Variants in PWP1 observed in about 807,000 individuals in gnomAD.
The protein encoded by PWP1 is PWP1 homolog, endonuclein, also known as periodic tryptophan protein 1 homolog.
Under a neutral mutation model 69.9 loss-of-function variants are expected in PWP1, and 47 were observed. The ratio of observed to expected loss-of-function variants is 0.67; its 90% confidence interval spans 0.53 to 0.86. The LOEUF (loss-of-function observed/expected upper bound fraction) is 0.86, where lower values mean the gene tolerates loss of function less well. Among genes scored for constraint, PWP1 ranks in the 40% least tolerant of loss-of-function variants. PWP1 has a pLI of 0.00. For missense variants in PWP1, 551 were observed against 608.8 expected (o/e 0.91, Z 1.00); for synonymous variants, 222 against 208.2 (o/e 1.07, Z -0.57).
chr12:107,709,002 A>G lies in PWP1; in HGVS notation c.1154A>G (p.Asn385Ser). 1 of 1,613,874 alleles carries G rather than the reference A, an allele frequency of 6.2e-7. No individual in the cohort carries two copies. Among genetic ancestry groups the G allele is most frequent in the Non-Finnish European group, 8.5e-7 (1 of 1,179,862 alleles). ...DKPIFTLNAH[N>S]DEISGLDLSS... ...CCAATTTTTACACTTAATGCACACA[A>G]TGATGAAATCTCTGGTGAGCAAGAG... The change falls in exon 12 of 15, where the codon AAT becomes AGT. Residue 385 changes from asparagine (N) to serine (S), a missense_variant. Physicochemically the swap from Asn to Ser is conservative, Grantham distance 46. Coordinates refer to ENST00000412830, the MANE Select transcript of PWP1 (RefSeq NM_007062.3).
chr12:107,693,922 TAATAATTCAACACA>T (rs1889533075), intron 5 of PWP1, among the ~76,000 whole-genome samples: 1 of 152,220 alleles, frequency 6.6e-6, no homozygotes, highest in South Asian at 2.1e-4. Context: ...ATTTTCTTCC[TAATAATTCAACACA>T]AAGGGCCACG....
chr12:107,697,361 C>A, intron 6 of PWP1, 106 bp from the exon 7 acceptor site: 2 of 1,140,022 alleles, frequency 1.8e-6, no homozygotes, highest in Non-Finnish European at 2.4e-6. Context: ...GTTTGAGAAG[C>A]ACTGCTCTAA....
Position 107,692,991 on chromosome 12 carries a change from C to G in PWP1, c.406-9C>G. On this transcript the variant is annotated splice_polypyrimidine_tract_variant and intron_variant, in intron 4 of 14. Coordinates refer to ENST00000412830, the MANE Select transcript of PWP1 (RefSeq NM_007062.3). The stretch of plus-strand genomic sequence containing the variant: ...TTCTAGTCAATGACATTTTTTTCCT[C>G]TCACTTAGGAACAATATGAACGTGA... 1 of 1,612,828 alleles carries G rather than the reference C, an allele frequency of 6.2e-7. No individual in the cohort carries two copies. The highest frequency in any genetic ancestry group is 8.5e-7 in the Non-Finnish European group (1 of 1,179,692).
At position 107,697,498 on chromosome 12, in the gene PWP1, T is replaced by A. The variant is rs775864168; in HGVS notation, c.645T>A (p.Pro215=). Residue 215 remains proline (P), a synonymous_variant, in exon 7 of 15, where the codon CCT becomes CCA. Transcript: ENST00000412830. ...ACATTGCTGTAGGAAACATGACCCC[T>A]GTTATTGAAGTGTGGGACCTTGATA... ...GNYIAVGNMT[P]VIEVWDLDIV... 1.2e-6 allele frequency: 2 copies of A among 1,602,326 alleles called. No individual in the cohort carries two copies. Among genetic ancestry groups the A allele is most frequent in the South Asian group, 2.3e-5 (2 of 88,706 alleles).
chr12:107,710,253 T>G, intron 13 of PWP1, 152 bp from the exon 14 acceptor site: 43 of 1,269,932 alleles, frequency 3.4e-5, no homozygotes, highest in Non-Finnish European at 4.0e-5. Flanking sequence ...GACTTGACTC[T>G]GAGCTACCTT....
intron 8 of PWP1, among the ~76,000 whole-genome samples, chr12:107,702,542 G>C (rs1889734438): frequency 6.6e-6 from 1 of 152,114 alleles, no homozygotes; most frequent in Admixed American, 6.5e-5. Flanking sequence ...GCCTCCCAAA[G>C]TGCTGGGATT....
At position 107,688,718 on chromosome 12, in the gene PWP1, G is replaced by A. The variant is rs773941925; in HGVS notation, c.235G>A (p.Gly79Ser). 2.5e-6 allele frequency: 4 copies of A among 1,614,090 alleles called. No individual in the cohort carries two copies. Among genetic ancestry groups the A allele is most frequent in the South Asian group, 1.1e-5 (1 of 91,080 alleles). The change falls in exon 3 of 15, where the codon GGT (glycine) becomes AGT (serine). Residue 79 changes from glycine (G) to serine (S), a missense_variant. By Grantham distance (56) the Gly-to-Ser change is moderately conservative. Transcript: ENST00000412830. ...QARPREPLED[G>S]DPEDDRTLDD... ...ACGCCCAAGAGAGCCCCTGGAGGAT[G>A]GTGACCCAGAGGATGACAGGACGCT...
In PWP1 at chr12:107,685,854, C is replaced by T. The variant is rs1271554442; in HGVS notation, c.-46C>T. 1.2e-6 allele frequency: 2 copies of T among 1,607,358 alleles called. No individual in the cohort carries two copies. The highest frequency in any genetic ancestry group is 2.2e-5 in the East Asian group (1 of 44,818). On this transcript the variant is annotated 5_prime_UTR_variant, in exon 1 of 15. Transcript: ENST00000412830. ...GCAGCAGTGCGGTCGTGGTCCCTCC[C>T]TATGCAGCCTGGTTTCTAGCGTGAC...
In PWP1 at chr12:107,703,679, CT is replaced by C. The variant is rs772066549; in HGVS notation, c.904-3del. The C allele has an allele frequency of 5.3e-5, 84 of 1,598,470 alleles. No homozygotes were observed. In the African/African-American group the frequency reaches 1.1e-3, roughly 20 times the overall value. On this transcript the variant is annotated splice_polypyrimidine_tract_variant and splice_region_variant and intron_variant, in intron 9 of 14. Coordinates refer to ENST00000412830, the MANE Select transcript of PWP1 (RefSeq NM_007062.3). Reference sequence around the variant, plus strand: ...AGATCTCTGCATTTATGTTTCCTCCCTTTAGGTCCAAACACTGCAGTTTCAT... The same window carrying C: ...AGATCTCTGCATTTATGTTTCCTCCCTTAGGTCCAAACACTGCAGTTTCAT...
intron 1 of PWP1, among the ~76,000 whole-genome samples, chr12:107,687,015 G>T (rs1190494230): frequency 2.7e-5 from 4 of 149,072 alleles, no homozygotes; most frequent in African/African-American, 9.9e-5. Flanking sequence ...AAAAGACCCT[G>T]CCTTTATGGA....
Position 107,696,549 on chromosome 12 carries a change from G to A in PWP1, c.578G>A (p.Trp193Ter). The A allele has an allele frequency of 6.2e-7, 1 of 1,614,108 alleles. No homozygotes were observed. Reference protein sequence around the residue: ...LLSAYPLSVEWLNFDPSPDDS... With the variant: ...LLSAYPLSVE ...TCTGCATATCCTCTGAGTGTGGAAT[G>A]GCTGAATTTTGATCCTAGCCCAGAT... Residue 193 changes from tryptophan to a stop codon, truncating the protein, a stop_gained, in exon 6 of 15, where the codon TGG (tryptophan) becomes TAG (stop). Coordinates refer to ENST00000412830, the MANE Select transcript of PWP1 (RefSeq NM_007062.3). LOFTEE classifies it high-confidence loss of function.
chr12:107,692,601 C>G, intron 3 of PWP1: 1 of 518,178 alleles, frequency 1.9e-6, no homozygotes, highest in Non-Finnish European at 3.4e-6. Context: ...TTGTGAATTC[C>G]AAGACTGTCT....
chr12:107,691,501 C>T (rs902306102), intron 3 of PWP1, among the ~76,000 whole-genome samples: 2 of 152,120 alleles, frequency 1.3e-5, no homozygotes, highest in African/African-American at 4.8e-5. Flanking sequence ...GGGTGAATCT[C>T]TTAGAGGAGC....
intron 10 of PWP1, 122 bp from the exon 11 acceptor site, chr12:107,704,514 C>A: frequency 3.0e-6 from 2 of 673,724 alleles, no homozygotes; most frequent in Non-Finnish European, 4.9e-6. Flanking sequence ...TTATTTAGAA[C>A]CTTAAAACAG....
intron 11 of PWP1, among the ~76,000 whole-genome samples, chr12:107,706,243 CTGTT>C (rs1889821797): frequency 6.7e-6 from 1 of 149,118 alleles, no homozygotes; most frequent in Non-Finnish European, 1.5e-5. Context: ...TTTGATGGGG[CTGTT>C]TTTTTCTTGT....
At chr12:107,692,159 G>GT in intron 3 of PWP1, among the ~76,000 whole-genome samples, 1 of 152,202 alleles carries the variant, frequency 6.6e-6, no homozygotes, top group Non-Finnish European at 1.5e-5. Flanking sequence ...CATATCAGAT[G>GT]TTTAAGACCT....
At chr12:107,703,241 C>T (rs924130598) in intron 9 of PWP1, among the ~76,000 whole-genome samples, 68 of 152,056 alleles carry the variant, frequency 4.5e-4, no homozygotes, top group Non-Finnish European at 7.1e-4. Flanking sequence ...CAGAAAGGTA[C>T]GGTTACTAGG....
chr12:107,697,048 A>C (rs1210261440), intron 6 of PWP1, among the ~76,000 whole-genome samples: 1 of 152,206 alleles, frequency 6.6e-6, no homozygotes, highest in Non-Finnish European at 1.5e-5. Context: ...CGTACTTTTT[A>C]ATAAAGGTAA....
At chr12:107,698,935 T>C (rs1889648532) in intron 7 of PWP1, among the ~76,000 whole-genome samples, 1 of 152,068 alleles carries the variant, frequency 6.6e-6, no homozygotes, top group Non-Finnish European at 1.5e-5. Context: ...GGAGACAAGG[T>C]TTTATTTATT....
Sources: gnomAD v4.1 joint callset for allele counts (sites outside exome capture counted in the v4.1 genomes callset) on GRCh38, gnomAD v4.1.1 for gene constraint, MANE v1.5 for transcripts, NCBI Gene and HGNC (gene_info 2026-07-23, HGNC 2026-07-21) for gene names.